The following HLCS variants were observed in gnomAD, a reference collection of about 807,000 sequenced individuals.
HLCS encodes the protein holocarboxylase synthetase.
HLCS carries 53 observed loss-of-function variants against 75.0 expected under a neutral mutation model. The observed-to-expected ratio is 0.71, with a 90% CI of 0.57 to 0.89. The LOEUF (loss-of-function observed/expected upper bound fraction) is 0.89. HLCS is among the 40% of genes least tolerant of loss of function. The probability of loss-of-function intolerance (pLI) is 0.00; values close to 1 mark genes in which losing one functional copy is unlikely to be tolerated. For synonymous variants in HLCS, 431 were observed against 428.6 expected (o/e 1.01, Z -0.07); for missense variants, 966 against 1,074.0 (o/e 0.90, Z 1.41).
chr21:36,759,186 T>C (rs1055328966), intron 9 of HLCS: 3 of 471,030 alleles, frequency 6.4e-6, no homozygotes, highest in African/African-American at 6.0e-5. Context: ...GGCTGATGAC[T>C]GGACGGCCAG....
At chr21:36,972,749 A>G (rs2068825938) in intron 1 of HLCS, among the ~76,000 whole-genome samples, 2 of 152,222 alleles carry the variant, frequency 1.3e-5, no homozygotes, top group South Asian at 4.1e-4. Context: ...GTACATTCTT[A>G]TAACTAATTT....
Position 36,888,448 on chromosome 21 carries a change from ATATATATATATAT to A in HLCS, c.1892+8399_1892+8411del, listed in dbSNP as rs2064603600. Among the ~76,000 whole-genome samples, 143 of 26,492 alleles carry A rather than the reference ATATATATATATAT, an allele frequency of 5.4e-3. 5 individuals carry two copies. The Middle Eastern group carries it at 0.062, about 12-fold the overall frequency. 17.4% of individuals were successfully genotyped at this position (26,492 alleles called of 152,430 possible). A position where few individuals can be genotyped will look rare whatever the true frequency, so the allele number is the denominator to read the frequency against. ...CTTCCCATTTAAAAAAAAAAAAAAT[ATATATATATATAT>A]ATATATATATATATATATATATATA... On this transcript the variant is annotated intron_variant, in intron 6 of 10. Transcript: ENST00000674895.
chr21:36,765,257 A>G, intron 7 of HLCS, 85 bp from the exon 8 acceptor site: 2 of 1,223,162 alleles, frequency 1.6e-6, no homozygotes. Context: ...CACACACTCA[A>G]ATAAATCTGA....
chr21:36,936,395 G>C (rs1027382964), intron 4 of HLCS, 54 bp downstream of exon 4: 2 of 1,463,590 alleles, frequency 1.4e-6, no homozygotes, highest in Admixed American at 1.7e-5. Flanking sequence ...ATATTCCCTC[G>C]CAAAAATACC....
chr21:36,859,323 C>G (rs555719405), intron 6 of HLCS, among the ~76,000 whole-genome samples: 93 of 152,302 alleles, frequency 6.1e-4, no homozygotes, highest in Non-Finnish European at 9.7e-4. Flanking sequence ...GCCTGGCCAG[C>G]TTGGAGTTTT....
chr21:36,757,641 C>A (rs2850103), intron 9 of HLCS, among the ~76,000 whole-genome samples: 65,652 of 152,078 alleles, frequency 0.43, 15,286 homozygotes, highest in East Asian at 0.65. Flanking sequence ...TAACAACAGC[C>A]TTCCCGGCAA....
chr21:36,788,979 A>G (rs1569011233), intron 6 of HLCS, among the ~76,000 whole-genome samples: 2 of 152,232 alleles, frequency 1.3e-5, no homozygotes, highest in South Asian at 2.1e-4. Context: ...ATCCTACTAG[A>G]AAAAGGCAAT....
At chr21:36,879,359 T>C (rs995435918) in intron 6 of HLCS, among the ~76,000 whole-genome samples, 33 of 152,320 alleles carry the variant, frequency 2.2e-4, no homozygotes, top group African/African-American at 6.7e-4. Flanking sequence ...CAAGAATGCA[T>C]TCACAGAAGA....
intron 6 of HLCS, among the ~76,000 whole-genome samples, chr21:36,882,138 C>T (rs1458861505): frequency 1.3e-5 from 2 of 151,294 alleles, no homozygotes; most frequent in East Asian, 2.0e-4. Flanking sequence ...AAAAATTAGC[C>T]GGGCGTGGTG....
intron 6 of HLCS, among the ~76,000 whole-genome samples, chr21:36,803,599 T>A (rs2061274373): frequency 1.3e-5 from 2 of 152,296 alleles, no homozygotes; most frequent in South Asian, 2.1e-4. Context: ...GTAAGAAGTA[T>A]CCCGCAACTG....
intron 6 of HLCS, among the ~76,000 whole-genome samples, chr21:36,837,163 A>G (rs551505606): frequency 6.6e-6 from 1 of 152,368 alleles, no homozygotes; most frequent in East Asian, 1.9e-4. Context: ...AGCCTGGGCA[A>G]CAGAGCAAGA....
chr21:36,796,295 G>GA (rs1008804662), intron 6 of HLCS, among the ~76,000 whole-genome samples: 33 of 152,162 alleles, frequency 2.2e-4, no homozygotes, highest in African/African-American at 7.2e-4. Context: ...TTTAACATCA[G>GA]AAAAATGTAT....
intron 6 of HLCS, among the ~76,000 whole-genome samples, chr21:36,784,506 G>T (rs372852787): frequency 6.6e-6 from 1 of 151,878 alleles, no homozygotes; most frequent in Non-Finnish European, 1.5e-5. Context: ...AGTAGAGATC[G>T]GGTTTTGCCA....
chr21:36,853,302 C>T (rs751784793), intron 6 of HLCS, among the ~76,000 whole-genome samples: 40 of 152,144 alleles, frequency 2.6e-4, no homozygotes, highest in Admixed American at 5.9e-4. Context: ...TAAACAACTG[C>T]CTTTCTCCCA....
intron 6 of HLCS, among the ~76,000 whole-genome samples, chr21:36,775,670 T>G (rs2060336033): frequency 6.9e-6 from 1 of 145,100 alleles, no homozygotes; most frequent in Non-Finnish European, 1.5e-5. Flanking sequence ...ACCCCCCTTT[T>G]CAGGCTGTTC....
chr21:36,873,349 C>T (rs532203290), intron 6 of HLCS, among the ~76,000 whole-genome samples: 1 of 152,210 alleles, frequency 6.6e-6, no homozygotes, highest in African/African-American at 2.4e-5. Context: ...ATCTCTTGAC[C>T]TTGTGATCCG....
intron 5 of HLCS, among the ~76,000 whole-genome samples, chr21:36,921,140 T>C (rs185772475): frequency 1.3e-5 from 2 of 152,268 alleles, no homozygotes; most frequent in African/African-American, 2.4e-5. Context: ...ACTCAGTAAG[T>C]TTTCTGAGAA....
intron 6 of HLCS, among the ~76,000 whole-genome samples, chr21:36,863,773 C>A (rs1013045005): frequency 2.6e-5 from 4 of 152,174 alleles, no homozygotes; most frequent in African/African-American, 9.7e-5. Context: ...AGTTCCGCTG[C>A]TCAAGACCCA....
chr21:36,783,557 G>A (rs1026352975), intron 6 of HLCS, among the ~76,000 whole-genome samples: 1 of 152,166 alleles, frequency 6.6e-6, no homozygotes, highest in Non-Finnish European at 1.5e-5. Context: ...AGGGTGGTAG[G>A]TAGTCGAGGA....
Sources: allele counts gnomAD v4.1 joint callset (sites outside exome capture counted in the v4.1 genomes callset), GRCh38; gene constraint gnomAD v4.1.1; transcripts MANE v1.5; gene names NCBI Gene and HGNC (gene_info 2026-07-23, HGNC 2026-07-21).